The following EFNA5 variants were observed in gnomAD, a reference collection of about 807,000 sequenced individuals.
The protein encoded by EFNA5 is ephrin-A5.
Under a neutral mutation model 22.9 loss-of-function variants are expected in EFNA5, and 5 were observed. The ratio of observed to expected loss-of-function variants is 0.22; its 90% confidence interval spans 0.11 to 0.46. The LOEUF (loss-of-function observed/expected upper bound fraction) is 0.46. EFNA5 is among the 20% of genes least tolerant of loss of function. The probability of loss-of-function intolerance (pLI) is 0.99; values close to 1 mark genes in which losing one functional copy is unlikely to be tolerated. For synonymous variants in EFNA5, 113 were observed against 112.2 expected (o/e 1.01, Z -0.04); for missense variants, 237 against 293.3 (o/e 0.81, Z 1.40).
At chr5:107,513,261 G>GGAGA (rs145077941) in intron 1 of EFNA5, among the ~76,000 whole-genome samples, 9 of 150,780 alleles carry the variant, frequency 6.0e-5, no homozygotes, top group East Asian at 1.9e-4. Flanking sequence ...AGAGGGAGAG[G>GGAGA]GAGAGAGAGA....
intron 1 of EFNA5, among the ~76,000 whole-genome samples, chr5:107,450,158 A>C (rs1749522052): frequency 6.6e-6 from 1 of 152,174 alleles, no homozygotes; most frequent in South Asian, 2.1e-4. Flanking sequence ...GAAGGAGGGG[A>C]GTTGTGAGAG....
At chr5:107,500,734 T>A (rs866231792) in intron 1 of EFNA5, among the ~76,000 whole-genome samples, 2 of 152,182 alleles carry the variant, frequency 1.3e-5, no homozygotes, top group African/African-American at 4.8e-5. Flanking sequence ...AACATGAAAT[T>A]CTGCAGGCAT....
intron 2 of EFNA5, among the ~76,000 whole-genome samples, chr5:107,406,699 T>C (rs77325478): frequency 0.034 from 5,166 of 152,282 alleles, 283 homozygotes; most frequent in African/African-American, 0.12. Context: ...ATTTATTTGC[T>C]TATTTAATCC....
intron 1 of EFNA5, among the ~76,000 whole-genome samples, chr5:107,525,402 T>G (rs1747674390): frequency 6.6e-6 from 1 of 152,182 alleles, no homozygotes; most frequent in Non-Finnish European, 1.5e-5. Flanking sequence ...TTTAGTTTAT[T>G]TAAAGCCATG....
intron 1 of EFNA5, among the ~76,000 whole-genome samples, chr5:107,636,711 T>C (rs973506753): frequency 3.3e-5 from 5 of 152,198 alleles, no homozygotes; most frequent in African/African-American, 1.2e-4. Flanking sequence ...ATAAGCCACG[T>C]ATCTTGCATA....
intron 2 of EFNA5, among the ~76,000 whole-genome samples, chr5:107,404,072 C>A (rs1021515263): frequency 3.9e-5 from 6 of 152,086 alleles, no homozygotes; most frequent in South Asian, 2.1e-4. Flanking sequence ...AACTTATGAC[C>A]TAAATCATAA....
intron 1 of EFNA5, among the ~76,000 whole-genome samples, chr5:107,559,020 T>C (rs1048904647): frequency 6.6e-6 from 1 of 152,216 alleles, no homozygotes; most frequent in African/African-American, 2.4e-5. Context: ...TACAGCCAGA[T>C]GGGCGCTTAG....
chr5:107,630,946 T>C (rs954481199), intron 1 of EFNA5, among the ~76,000 whole-genome samples: 21 of 152,166 alleles, frequency 1.4e-4, no homozygotes, highest in African/African-American at 4.3e-4. Flanking sequence ...TCAATATCAC[T>C]GTCTTCCCCC....
intron 2 of EFNA5, among the ~76,000 whole-genome samples, chr5:107,398,314 C>A (rs1009992283): frequency 2.0e-5 from 3 of 152,176 alleles, no homozygotes; most frequent in African/African-American, 7.2e-5. Context: ...AACACAATAA[C>A]CCTCTTCCAG....
intron 1 of EFNA5, among the ~76,000 whole-genome samples, chr5:107,476,347 C>A (rs556499473): frequency 6.6e-6 from 1 of 151,592 alleles, no homozygotes; most frequent in Non-Finnish European, 1.5e-5. Flanking sequence ...GCCACTGTGC[C>A]CAGTCAAGAA....
chr5:107,452,604 T>C (rs567015598), intron 1 of EFNA5, among the ~76,000 whole-genome samples: 2 of 152,016 alleles, frequency 1.3e-5, no homozygotes, highest in Non-Finnish European at 2.9e-5. Flanking sequence ...TATGTATCTG[T>C]AGTCCCAGCT....
rs74578143 is a variant in EFNA5, at chr5:107,416,297, T to C, written c.418+10920A>G. 1.4e-4 allele frequency among the ~76,000 whole-genome samples: 21 copies of C among 152,328 alleles called. No homozygotes were observed. The East Asian group carries it at 4.1e-3, about 29-fold the overall frequency. On this transcript the variant is annotated intron_variant, in intron 2 of 4. Coordinates refer to ENST00000333274, the MANE Select transcript of EFNA5 (RefSeq NM_001962.3). ...TGAAGGTAGAACTTAGATAACGACT[T>C]GCCAATGATGCTTGAAATCTGTCTA...
At chr5:107,529,525 T>C (rs78246717) in intron 1 of EFNA5, among the ~76,000 whole-genome samples, 5,012 of 152,260 alleles carry the variant, frequency 0.033, 187 homozygotes, top group African/African-American at 0.088. Context: ...GCATGGGATT[T>C]TGACCATTGA....
chr5:107,610,874 T>C (rs1196961018), intron 1 of EFNA5, among the ~76,000 whole-genome samples: 3 of 152,218 alleles, frequency 2.0e-5, no homozygotes, highest in Admixed American at 2.0e-4. Context: ...AAAGGTCATA[T>C]AGCAAGCAGA....
chr5:107,515,088 T>C (rs1307373171), intron 1 of EFNA5, among the ~76,000 whole-genome samples: 2 of 152,118 alleles, frequency 1.3e-5, no homozygotes, highest in Non-Finnish European at 2.9e-5. Flanking sequence ...ATGGTCCCAA[T>C]CAACTAGAAA....
intron 2 of EFNA5, among the ~76,000 whole-genome samples, chr5:107,401,306 C>T (rs761866395): frequency 9.2e-5 from 14 of 152,116 alleles, no homozygotes; most frequent in South Asian, 2.1e-4. Context: ...TCTATTTTGC[C>T]GCTGCTTAGT....
At chr5:107,430,774 CTTTTT>C (rs869266799) in intron 1 of EFNA5, among the ~76,000 whole-genome samples, 1 of 20,292 alleles carries the variant, frequency 4.9e-5, no homozygotes, top group East Asian at 5.6e-4. Context: ...TTCTTTCTTT[CTTTTT>C]TTTTTTTTTT....
intron 1 of EFNA5, among the ~76,000 whole-genome samples, chr5:107,623,579 T>A (rs2112530630): frequency 6.6e-6 from 1 of 152,250 alleles, no homozygotes; most frequent in Admixed American, 6.5e-5. Context: ...AACATAACTT[T>A]CCATGAAGTA....
intron 1 of EFNA5, among the ~76,000 whole-genome samples, chr5:107,527,786 CAGAT>C (rs923214229): frequency 6.6e-6 from 1 of 152,044 alleles, no homozygotes; most frequent in Admixed American, 6.6e-5. Flanking sequence ...CCTCATATAA[CAGAT>C]AGGAAAACCA....
Sources: gnomAD v4.1 joint callset for allele counts (sites outside exome capture counted in the v4.1 genomes callset) on GRCh38, gnomAD v4.1.1 for gene constraint, MANE v1.5 for transcripts, NCBI Gene and HGNC (gene_info 2026-07-23, HGNC 2026-07-21) for gene names.